Variants in ADAMTS6 observed in about 807,000 individuals in gnomAD.
ADAMTS6 encodes A disintegrin and metalloproteinase with thrombospondin motifs 6.
ADAMTS6 carries 23 observed loss-of-function variants against 144.3 expected under a neutral mutation model. The ratio of observed to expected loss-of-function variants is 0.16; its 90% CI spans 0.11 to 0.23. The LOEUF (loss-of-function observed/expected upper bound fraction) is 0.23, where lower values mean the gene tolerates loss of function less well. Among genes scored for constraint, ADAMTS6 ranks in the 10% least tolerant of loss-of-function variants. The pLI, the probability that ADAMTS6 is intolerant of heterozygous loss-of-function variation, is 1.00. For synonymous variants in ADAMTS6, 444 were observed against 457.5 expected, an observed-to-expected ratio of 0.97 and a Z score of 0.38; for missense variants, 999 against 1,379.6, an observed-to-expected ratio of 0.72 and a Z score of 4.37.
intron 11 of ADAMTS6, among the ~76,000 whole-genome samples, chr5:65,290,118 C>G (rs1418430249): frequency 1.3e-5 from 2 of 152,052 alleles, no homozygotes; most frequent in Non-Finnish European, 2.9e-5. Flanking sequence ...TACTTGTCAC[C>G]AAAGAGATAT....
chr5:65,196,476 T>C (rs536369492), intron 21 of ADAMTS6, among the ~76,000 whole-genome samples: 30 of 119,906 alleles, frequency 2.5e-4, no homozygotes, highest in African/African-American at 9.5e-4. Context: ...TAAGCCGAGA[T>C]CGCGCCACTG....
intron 24 of ADAMTS6, among the ~76,000 whole-genome samples, chr5:65,160,608 A>G (rs1168775278): frequency 7.5e-6 from 1 of 133,330 alleles, no homozygotes; most frequent in African/African-American, 2.8e-5. Flanking sequence ...CCGGCCTCCA[A>G]CTTTCTTCTT....
At chr5:65,319,717 A>AAGGGAGGG (rs1208298583) in intron 9 of ADAMTS6, among the ~76,000 whole-genome samples, 1 of 13,668 alleles carries the variant, frequency 7.3e-5, no homozygotes, top group African/African-American at 3.5e-4. Flanking sequence ...GGAGGGAGGG[A>AAGGGAGGG]AGGGAGGGAG....
chr5:65,416,025 T>C (rs1243972164), intron 7 of ADAMTS6: 1 of 184,780 alleles, frequency 5.4e-6, no homozygotes, highest in Non-Finnish European at 1.1e-5. Flanking sequence ...AGCCAGGGGC[T>C]GCATGGCCAC....
intron 3 of ADAMTS6, among the ~76,000 whole-genome samples, chr5:65,461,961 G>T (rs75652947): frequency 0.015 from 2,251 of 152,218 alleles, 28 homozygotes; most frequent in East Asian, 0.083. Flanking sequence ...CATAATCAGA[G>T]TTGCTCTAAT....
intron 24 of ADAMTS6, among the ~76,000 whole-genome samples, chr5:65,160,714 G>A (rs1346845503): frequency 1.1e-4 from 17 of 147,950 alleles, no homozygotes; most frequent in Non-Finnish European, 1.5e-5. Flanking sequence ...GTGCAATGGC[G>A]TGATCTCAGC....
intron 15 of ADAMTS6, among the ~76,000 whole-genome samples, chr5:65,233,804 A>G (rs1230178425): frequency 6.6e-6 from 1 of 152,170 alleles, no homozygotes; most frequent in Non-Finnish European, 1.5e-5. Context: ...GAAACTAAAA[A>G]GGACTCCAGA....
intron 4 of ADAMTS6, among the ~76,000 whole-genome samples, chr5:65,458,111 GTTCAT>G (rs1329424702): frequency 2.0e-5 from 3 of 151,812 alleles, no homozygotes; most frequent in Admixed American, 2.0e-4. Flanking sequence ...TTCCATAATG[GTTCAT>G]TTCATTACTC....
At chr5:65,335,757 T>C (rs1226209309) in intron 7 of ADAMTS6, among the ~76,000 whole-genome samples, 3 of 152,064 alleles carry the variant, frequency 2.0e-5, no homozygotes, top group Non-Finnish European at 4.4e-5. Context: ...AAAATAAATG[T>C]AAAAATAGTT....
At chr5:65,317,386 C>A (rs1745110338) in intron 9 of ADAMTS6, among the ~76,000 whole-genome samples, 1 of 152,146 alleles carries the variant, frequency 6.6e-6, no homozygotes, top group African/African-American at 2.4e-5. Flanking sequence ...TATCTCTCAC[C>A]ATATACAATA....
chr5:65,447,942 T>A (rs190202070), intron 7 of ADAMTS6, among the ~76,000 whole-genome samples: 99 of 150,962 alleles, frequency 6.6e-4, no homozygotes, highest in Middle Eastern at 3.6e-3. Flanking sequence ...TGTCAGATAG[T>A]TAATACAACA....
chr5:65,231,702 C>T (rs1758262528), intron 15 of ADAMTS6, among the ~76,000 whole-genome samples: 1 of 152,050 alleles, frequency 6.6e-6, no homozygotes, highest in Admixed American at 6.6e-5. Flanking sequence ...TATAAAACTA[C>T]AAATCAGTTA....
intron 12 of ADAMTS6, among the ~76,000 whole-genome samples, chr5:65,267,632 A>C (rs1316257920): frequency 6.6e-6 from 1 of 152,176 alleles, no homozygotes. Flanking sequence ...ATACATTATA[A>C]ATCAAATAAT....
At chr5:65,186,844 A>G (rs1754703623) in intron 22 of ADAMTS6, among the ~76,000 whole-genome samples, 1 of 152,210 alleles carries the variant, frequency 6.6e-6, no homozygotes, top group South Asian at 2.1e-4. Context: ...CCTGCCAAAG[A>G]TTCCATGGAT....
chr5:65,283,025 T>G (rs1225926742), intron 11 of ADAMTS6, among the ~76,000 whole-genome samples: 2 of 152,134 alleles, frequency 1.3e-5, no homozygotes, highest in African/African-American at 2.4e-5. Flanking sequence ...TGTTGGGTCC[T>G]TGATTCTAAA....
At chr5:65,256,708 C>T (rs1211140235) in intron 14 of ADAMTS6, among the ~76,000 whole-genome samples, 1 of 152,018 alleles carries the variant, frequency 6.6e-6, no homozygotes, top group Non-Finnish European at 1.5e-5. Context: ...ATTCACATTA[C>T]AGTATATAAT....
chr5:65,272,920 C>T (rs1451015282), intron 12 of ADAMTS6, among the ~76,000 whole-genome samples: 1 of 149,586 alleles, frequency 6.7e-6, no homozygotes, highest in Admixed American at 6.6e-5. Flanking sequence ...GACCATGAGA[C>T]CCTGTCTCAA....
rs1382977863 is a variant in ADAMTS6, at chr5:65,318,264, C to T, written c.1223+11114G>A. Among the ~76,000 whole-genome samples the T allele has an allele frequency of 2.0e-5, 3 of 152,052 alleles. No individual in the cohort carries two copies. The East Asian group carries it at 5.8e-4, about 29-fold the overall frequency. On this transcript the variant is annotated intron_variant, in intron 9 of 24. Coordinates refer to ENST00000381055, the MANE Select transcript of ADAMTS6 (RefSeq NM_197941.4). ...GCAAAGATGTAGAGAAAAGGGAATC[C>T]TCATACACTGTTGGTGGGAATGTAA...
intron 7 of ADAMTS6, among the ~76,000 whole-genome samples, chr5:65,420,833 T>C (rs1755969811): frequency 6.6e-6 from 1 of 152,042 alleles, no homozygotes; most frequent in Non-Finnish European, 1.5e-5. Flanking sequence ...GAACATTGTT[T>C]AAAGGACAAA....
Sources: gnomAD v4.1 joint callset for allele counts (sites outside exome capture counted in the v4.1 genomes callset) on GRCh38, gnomAD v4.1.1 for gene constraint, MANE v1.5 for transcripts, NCBI Gene and HGNC (gene_info 2026-07-23, HGNC 2026-07-21) for gene names.